Variants in DPF3 observed in about 807,000 individuals in gnomAD.
DPF3 encodes double PHD fingers 3.
DPF3 carries 18 observed loss-of-function variants against 56.8 expected under a neutral mutation model. That is an observed-to-expected ratio of 0.32 (90% confidence interval 0.22 to 0.47). DPF3 has a LOEUF of 0.47. DPF3 is among the 20% of genes least tolerant of loss of function. The probability of loss-of-function intolerance (pLI) is 1.00; values close to 1 mark genes in which losing one functional copy is unlikely to be tolerated. For missense variants in DPF3, 403 were observed against 488.8 expected (o/e 0.82, Z 1.65); for synonymous variants, 188 against 180.2 (o/e 1.04, Z -0.35).
At chr14:72,630,323 C>T (rs1465957467) in intron 8 of DPF3, among the ~76,000 whole-genome samples, 4 of 152,160 alleles carry the variant, frequency 2.6e-5, no homozygotes, top group African/African-American at 4.8e-5. Context: ...AACAGTACCA[C>T]GGACTACAGA....
At chr14:72,835,757 A>T (rs1884265764) in intron 1 of DPF3, among the ~76,000 whole-genome samples, 1 of 152,106 alleles carries the variant, frequency 6.6e-6, no homozygotes, top group South Asian at 2.1e-4. Context: ...GTAAAACCCC[A>T]AATGCCAGGG....
intron 5 of DPF3, among the ~76,000 whole-genome samples, chr14:72,723,158 G>A (rs1369124886): frequency 2.6e-5 from 4 of 151,886 alleles, no homozygotes; most frequent in Non-Finnish European, 4.4e-5. Context: ...TTAATATTAG[G>A]TATATCTCCT....
At chr14:72,725,274 T>C (rs1272899535) in intron 4 of DPF3, among the ~76,000 whole-genome samples, 2 of 152,102 alleles carry the variant, frequency 1.3e-5, no homozygotes, top group Non-Finnish European at 2.9e-5. Context: ...TTACAACTCT[T>C]CTCAAAACAG....
chr14:72,701,470 C>A (rs557160604), intron 6 of DPF3, among the ~76,000 whole-genome samples: 1 of 152,320 alleles, frequency 6.6e-6, no homozygotes, highest in Admixed American at 6.5e-5. Context: ...GTTATGGATG[C>A]CTTCAGTGCC....
intron 3 of DPF3, among the ~76,000 whole-genome samples, chr14:72,746,924 G>A (rs1890351222): frequency 6.6e-6 from 1 of 152,206 alleles, no homozygotes; most frequent in South Asian, 2.1e-4. Flanking sequence ...GCCCGACAAC[G>A]GGGCATGGCC....
At chr14:72,689,126 G>A (rs565300968) in intron 7 of DPF3, among the ~76,000 whole-genome samples, 17 of 152,280 alleles carry the variant, frequency 1.1e-4, no homozygotes, top group South Asian at 4.1e-4. Flanking sequence ...GGTCAGCGCC[G>A]GCTCCAGCAG....
intron 1 of DPF3, among the ~76,000 whole-genome samples, chr14:72,804,515 G>A (rs1893012596): frequency 6.6e-6 from 1 of 152,184 alleles, no homozygotes; most frequent in African/African-American, 2.4e-5. Context: ...ATTCATATGA[G>A]GGTGGGATTT....
At position 72,660,641 on chromosome 14, in the gene DPF3, T is replaced by C. The variant is rs548710564; in HGVS notation, c.871+13599A>G. ...CTAAGCACACATTAAATCTTGCATT[T>C]TTGTGCAAAACTTCTATTCTTGGCA... On this transcript the variant is annotated intron_variant, in intron 8 of 10. Transcript: ENST00000556509. Among the ~76,000 whole-genome samples, 272 of 152,328 alleles carry C rather than the reference T, an allele frequency of 1.8e-3. 1 individual carries two copies. Among genetic ancestry groups the C allele is most frequent in the Non-Finnish European group, 2.3e-3 (154 of 68,030 alleles).
At chr14:72,702,693 A>G (rs1392753721) in intron 6 of DPF3, among the ~76,000 whole-genome samples, 2 of 152,090 alleles carry the variant, frequency 1.3e-5, no homozygotes, top group African/African-American at 4.8e-5. Context: ...AGAAGCCCCA[A>G]CTGAGAAAAG....
At chr14:72,828,397 G>C (rs571051659) in intron 1 of DPF3, among the ~76,000 whole-genome samples, 42 of 152,130 alleles carry the variant, frequency 2.8e-4, no homozygotes, top group African/African-American at 9.4e-4. Context: ...TCATGGGCCA[G>C]GTGTGGTGCT....
At chr14:72,714,571 G>T in intron 5 of DPF3, 70 bp from the exon 6 acceptor site, 1 of 1,566,002 alleles carries the variant, frequency 6.4e-7, no homozygotes, top group Non-Finnish European at 8.7e-7. Context: ...CATGCGCTCT[G>T]CGAGCTCCTT....
chr14:72,732,546 C>G (rs912049444), intron 3 of DPF3, among the ~76,000 whole-genome samples: 1 of 152,196 alleles, frequency 6.6e-6, no homozygotes, highest in East Asian at 1.9e-4. Flanking sequence ...TCAAAAGCCA[C>G]GGGAAGAGGA....
chr14:72,663,547 C>G (rs1462360533), intron 8 of DPF3, among the ~76,000 whole-genome samples: 1 of 152,162 alleles, frequency 6.6e-6, no homozygotes, highest in East Asian at 1.9e-4. Context: ...GGCCCTTTTG[C>G]CTGGATAGCC....
At chr14:72,842,316 C>G (rs1207659780) in intron 1 of DPF3, among the ~76,000 whole-genome samples, 1 of 152,004 alleles carries the variant, frequency 6.6e-6, no homozygotes, top group Non-Finnish European at 1.5e-5. Context: ...AGACCCAGAC[C>G]AAAAACTACC....
At chr14:72,649,004 C>T (rs1357185701) in intron 8 of DPF3, among the ~76,000 whole-genome samples, 2 of 152,148 alleles carry the variant, frequency 1.3e-5, no homozygotes, top group Non-Finnish European at 2.9e-5. Context: ...TCCCACCTCG[C>T]TGGCTGCCCC....
At chr14:72,715,841 C>A (rs765974307) in intron 5 of DPF3, among the ~76,000 whole-genome samples, 46 of 146,016 alleles carry the variant, frequency 3.2e-4, no homozygotes, top group South Asian at 6.9e-4. Context: ...CAGTCTCCCT[C>A]CCCACCCCAC....
At chr14:72,787,810 G>A (rs1019060900) in intron 1 of DPF3, among the ~76,000 whole-genome samples, 2 of 152,324 alleles carry the variant, frequency 1.3e-5, no homozygotes, top group South Asian at 2.1e-4. Context: ...GTCAAGAGGT[G>A]GGGTGCAGGT....
chr14:72,616,666 A>G lies in DPF3; in HGVS notation c.*2631T>C, dbSNP rs1302736001. On this transcript the variant is annotated 3_prime_UTR_variant, in exon 11 of 11. Coordinates refer to ENST00000556509, the MANE Select transcript of DPF3 (RefSeq NM_001280542.3). The stretch of plus-strand genomic sequence containing the variant: ...CTTTCCAGGTGGGCAATTGAGGTTC[A>G]GGGAGGTTAGGTGACTTGCCCAGTG... Among the ~76,000 whole-genome samples the G allele has an allele frequency of 3.9e-5, 6 of 152,178 alleles. No homozygotes were observed. The highest frequency in any genetic ancestry group is 2.1e-4 in the South Asian group (1 of 4,824).
chr14:72,688,356 G>A (rs1887525613), intron 7 of DPF3, among the ~76,000 whole-genome samples: 1 of 151,612 alleles, frequency 6.6e-6, no homozygotes, highest in African/African-American at 2.4e-5. Flanking sequence ...ACGGATGGAT[G>A]GATGCATGGA....
Sources: gnomAD v4.1 joint callset for allele counts (sites outside exome capture counted in the v4.1 genomes callset) on GRCh38, gnomAD v4.1.1 for gene constraint, MANE v1.5 for transcripts, NCBI Gene and HGNC (gene_info 2026-07-23, HGNC 2026-07-21) for gene names.